Variants in FBN1 observed in about 807,000 individuals in gnomAD.
FBN1 encodes fibrillin 1, also known as fibrillin-1.
In FBN1, 29 loss-of-function variants were observed where a neutral mutation model predicts 365.1. The observed-to-expected ratio is 0.08, with a 90% confidence interval of 0.06 to 0.11. The LOEUF (loss-of-function observed/expected upper bound fraction) is 0.11. Ranked by LOEUF, FBN1 falls within the 10% of genes least tolerant of loss-of-function variation. The pLI, the probability that FBN1 is intolerant of heterozygous loss-of-function variation, is 1.00. For missense variants in FBN1, 2,476 were observed against 3,703.2 expected (o/e 0.67, Z 8.60); for synonymous variants, 1,210 against 1,270.5 (o/e 0.95, Z 1.01).
intron 6 of FBN1, among the ~76,000 whole-genome samples, chr15:48,551,678 C>T (rs764514132): frequency 6.6e-5 from 10 of 152,134 alleles, no homozygotes; most frequent in Non-Finnish European, 1.0e-4. Context: ...TCCCACCCTC[C>T]GCCCTCCAAA....
intron 2 of FBN1, among the ~76,000 whole-genome samples, chr15:48,621,864 G>T (rs528981207): frequency 1.3e-5 from 2 of 151,858 alleles, no homozygotes; most frequent in South Asian, 4.2e-4. Context: ...CGGGCGTGGT[G>T]GCGGGCGCCT....
chr15:48,602,919 C>A (rs2044578379), intron 4 of FBN1, among the ~76,000 whole-genome samples: 2 of 152,178 alleles, frequency 1.3e-5, no homozygotes, highest in Non-Finnish European at 2.9e-5. Context: ...ATGATGTCAT[C>A]TGTCAAGCAG....
At chr15:48,424,682 C>T (rs2054817141) in intron 60 of FBN1, among the ~76,000 whole-genome samples, 1 of 152,196 alleles carries the variant, frequency 6.6e-6, no homozygotes, top group Non-Finnish European at 1.5e-5. Context: ...CTCCAAATCT[C>T]TGATTTCCCA....
intron 60 of FBN1, 125 bp downstream of exon 60, chr15:48,425,244 A>ATG: frequency 7.8e-7 from 1 of 1,290,280 alleles, no homozygotes; most frequent in East Asian, 2.3e-5. Flanking sequence ...GGAGGCATTA[A>ATG]CCCCAGGGAA....
At chr15:48,493,903 C>G (rs1482799078) in intron 23 of FBN1, among the ~76,000 whole-genome samples, 1 of 152,198 alleles carries the variant, frequency 6.6e-6, no homozygotes, top group Admixed American at 6.5e-5. Flanking sequence ...ACAGACTCAT[C>G]AAAAACTTCC....
chr15:48,573,028 G>A (rs1390701823), intron 6 of FBN1, among the ~76,000 whole-genome samples: 2 of 152,148 alleles, frequency 1.3e-5, no homozygotes. Context: ...GATAAATGAA[G>A]GGCACCTGCT....
intron 64 of FBN1, among the ~76,000 whole-genome samples, 169 bp from the exon 65 acceptor site, chr15:48,412,912 T>C (rs1363224635): frequency 6.6e-6 from 1 of 152,250 alleles, no homozygotes; most frequent in Non-Finnish European, 1.5e-5. Context: ...CTGTTTGGCC[T>C]CTAATTCCCA....
At position 48,488,394 on chromosome 15, in the gene FBN1, A is replaced by G; in HGVS notation, c.3182T>C (p.Leu1061Pro). The change falls in exon 26 of 66, where the codon CTT (leucine) becomes CCT (proline). Residue 1061 changes from leucine to proline, a missense_variant. Around this residue, in one of 5 missense-constraint regions of FBN1, gnomAD observed 1,780 missense variants for 2,840.8 expected, o/e 0.63. Transcript: ENST00000316623. ...TGTGCAGTTCCTTTCTTCAGAATCA[A>G]GAGCAAAGCCGCTGTCACACCTGCA... Reference protein sequence around the residue: ...FKCRCDSGFALDSEERNCTDI... With the variant: ...FKCRCDSGFAPDSEERNCTDI... 6.2e-7 allele frequency: 1 copy of G among 1,614,246 alleles called. No individual in the cohort carries two copies. The highest frequency in any genetic ancestry group is 1.1e-5 in the South Asian group (1 of 91,080).
chr15:48,580,883 C>T (rs1166122998), intron 6 of FBN1, among the ~76,000 whole-genome samples: 3 of 152,092 alleles, frequency 2.0e-5, no homozygotes, highest in Non-Finnish European at 2.9e-5. Flanking sequence ...GTATAGCGAG[C>T]CAGAGGGGTA....
intron 17 of FBN1, 64 bp from the exon 18 acceptor site, chr15:48,499,102 G>T: frequency 6.7e-7 from 1 of 1,503,644 alleles, no homozygotes; most frequent in South Asian, 1.1e-5. Flanking sequence ...TCCTGCCCTT[G>T]GTTTTGCACA....
chr15:48,612,471 G>A (rs1349658860), intron 3 of FBN1, among the ~76,000 whole-genome samples: 1 of 152,192 alleles, frequency 6.6e-6, no homozygotes, highest in African/African-American at 2.4e-5. Flanking sequence ...CAACATTTGT[G>A]GGATATTGGG....
chr15:48,625,961 TAAG>T (rs1160732737), intron 2 of FBN1, among the ~76,000 whole-genome samples: 9 of 152,196 alleles, frequency 5.9e-5, no homozygotes, highest in African/African-American at 2.2e-4. Context: ...CATTTACCAC[TAAG>T]ACAACATAAG....
intron 42 of FBN1, 77 bp downstream of exon 42, chr15:48,463,005 G>T: frequency 1.4e-6 from 2 of 1,440,464 alleles, no homozygotes; most frequent in Non-Finnish European, 2.0e-6. Flanking sequence ...TGCTTCCTTC[G>T]CTAAGACTGA....
At chr15:48,523,323 T>C (rs532846859) in intron 9 of FBN1, among the ~76,000 whole-genome samples, 4 of 152,368 alleles carry the variant, frequency 2.6e-5, no homozygotes, top group East Asian at 1.9e-4. Flanking sequence ...CTAATGTCTA[T>C]TATTTTGCAA....
intron 17 of FBN1, among the ~76,000 whole-genome samples, chr15:48,502,698 A>C (rs2141314213): frequency 6.6e-6 from 1 of 152,328 alleles, no homozygotes. Flanking sequence ...ACTGGACAGG[A>C]CCTTTTGGAT....
chr15:48,623,659 T>C (rs555720624), intron 2 of FBN1, among the ~76,000 whole-genome samples: 1 of 152,196 alleles, frequency 6.6e-6, no homozygotes, highest in Non-Finnish European at 1.5e-5. Context: ...ATGCGGCCAA[T>C]TCCTACAGAC....
In FBN1 at chr15:48,469,067, C is replaced by CAAA. The variant is rs56789154; in HGVS notation, c.4460-536_4460-534dup. ...TGGGCGACAGAGCGAGACTCCGTCT[C>CAAA]AAAAAAAAAAAAATATATATATATA... On this transcript the variant is annotated intron_variant, in intron 36 of 65. Coordinates refer to ENST00000316623, the MANE Select transcript of FBN1 (RefSeq NM_000138.5). Among the ~76,000 whole-genome samples, 658 of 90,620 alleles carry CAAA rather than the reference C, an allele frequency of 7.3e-3. 14 individuals are homozygous for CAAA. Among genetic ancestry groups the CAAA allele is most frequent in the African/African-American group, 0.025 (601 of 24,118 alleles). The allele number at this position is 90,620 out of a possible 152,430, so 59.5% of individuals were successfully genotyped here. A position where few individuals can be genotyped will look rare whatever the true frequency, so the allele number is the denominator to read the frequency against.
intron 6 of FBN1, among the ~76,000 whole-genome samples, chr15:48,546,168 T>C (rs1460162908): frequency 6.6e-6 from 1 of 152,182 alleles, no homozygotes. Context: ...GCCACAACCC[T>C]GTATCAGTGA....
intron 2 of FBN1, among the ~76,000 whole-genome samples, chr15:48,626,396 C>T (rs1043142288): frequency 2.6e-4 from 39 of 151,938 alleles, no homozygotes; most frequent in African/African-American, 8.5e-4. Flanking sequence ...ACATGGAGTA[C>T]GAGAGTGAAA....
Sources: allele counts gnomAD v4.1 joint callset (sites outside exome capture counted in the v4.1 genomes callset), GRCh38; gene constraint gnomAD v4.1.1; regional missense constraint gnomAD v4.1.1; transcripts MANE v1.5; gene names NCBI Gene and HGNC (gene_info 2026-07-23, HGNC 2026-07-21).